Variants in PARD3B observed in about 807,000 individuals in gnomAD.
The protein encoded by PARD3B is partitioning defective 3 homolog B.
In PARD3B, 103 loss-of-function variants were observed where a neutral mutation model predicts 130.2. That is an observed-to-expected ratio of 0.79 (90% CI 0.67 to 0.93). The LOEUF (loss-of-function observed/expected upper bound fraction) is 0.93, where lower values mean the gene tolerates loss of function less well. PARD3B is among the 40% of genes least tolerant of loss of function. PARD3B has a pLI of 0.00. For synonymous variants in PARD3B, 583 were observed against 553.2 expected (o/e 1.05, Z -0.76); for missense variants, 1,609 against 1,499.2 (o/e 1.07, Z -1.21).
chr2:204,825,262 T>G (rs1225116104), intron 2 of PARD3B, among the ~76,000 whole-genome samples: 2 of 152,160 alleles, frequency 1.3e-5, no homozygotes, highest in African/African-American at 2.4e-5. Context: ...GGCCATTGAA[T>G]AGCACACTAA....
Position 205,142,655 on chromosome 2 carries a change from G to A in PARD3B, c.1435-16067G>A, listed in dbSNP as rs1032631121. 3.3e-5 allele frequency among the ~76,000 whole-genome samples: 5 copies of A among 152,032 alleles called. No individual in the cohort carries two copies. Among genetic ancestry groups the A allele is most frequent in the African/African-American group, 7.2e-5 (3 of 41,380 alleles). On this transcript the variant is annotated intron_variant, in intron 10 of 22. Transcript: ENST00000406610. The surrounding 1 kb of genome is among the most constrained non-coding windows in gnomAD (Gnocchi z 4.3). ...AACACTTTGGGAGGCCGAGGTGGGC[G>A]GATCAAGAGGTCAGGAGTTTGAGAC...
chr2:204,867,089 A>C (rs2045454832), intron 2 of PARD3B, among the ~76,000 whole-genome samples: 1 of 152,156 alleles, frequency 6.6e-6, no homozygotes, highest in African/African-American at 2.4e-5. Flanking sequence ...ATAAATAAAT[A>C]AAATAAAATA....
In PARD3B at chr2:205,253,302, T is replaced by C; in HGVS notation, c.2185+7480T>C. 1 of 503,998 alleles carries C rather than the reference T, an allele frequency of 2.0e-6. No homozygotes were observed. Among genetic ancestry groups the C allele is most frequent in the Non-Finnish European group, 4.0e-6 (1 of 248,282 alleles). 31.2% of individuals were successfully genotyped at this position (503,998 alleles called of 1,614,324 possible). On this transcript the variant is annotated intron_variant, in intron 16 of 22. Coordinates refer to ENST00000406610, the MANE Select transcript of PARD3B (RefSeq NM_001302769.2). This position sits in a 1 kb window ranked among gnomAD's most constrained non-coding sequence, Gnocchi z 4.4. ...GAGTAAAATGTATTAACACAAAGGCTCTGGCCGCCCCCCTACAAAGGAGGC... is the reference window on the plus strand; with the variant it reads ...GAGTAAAATGTATTAACACAAAGGCCCTGGCCGCCCCCCTACAAAGGAGGC...
chr2:205,217,529 C>G (rs761755696), intron 15 of PARD3B, among the ~76,000 whole-genome samples: 10 of 151,612 alleles, frequency 6.6e-5, no homozygotes, highest in Admixed American at 1.3e-4. Context: ...AACAGAGAAG[C>G]TAGTGAAGGA....
At chr2:204,880,325 A>G (rs1456730414) in intron 2 of PARD3B, among the ~76,000 whole-genome samples, 1 of 152,184 alleles carries the variant, frequency 6.6e-6, no homozygotes, top group African/African-American at 2.4e-5. Context: ...TATATCATAC[A>G]TATATAGAGA....
intron 18 of PARD3B, among the ~76,000 whole-genome samples, chr2:205,335,835 AGCACAGGTAAGACCC>A (rs1250110535): frequency 6.6e-6 from 1 of 152,188 alleles, no homozygotes; most frequent in South Asian, 2.1e-4. Flanking sequence ...TCATGAGAAC[AGCACAGGTAAGACCC>A]GCACAGGTAA....
chr2:204,795,703 C>G (rs958111793), intron 2 of PARD3B, among the ~76,000 whole-genome samples: 1 of 152,168 alleles, frequency 6.6e-6, no homozygotes, highest in Non-Finnish European at 1.5e-5. Context: ...TTTCTGAACT[C>G]CATTTTAATA....
At chr2:205,100,659 AC>A (rs1310387326) in intron 4 of PARD3B, among the ~76,000 whole-genome samples, 1 of 152,168 alleles carries the variant, frequency 6.6e-6, no homozygotes. Context: ...TGAATAAAAT[AC>A]AATTGAGGAT....
chr2:205,390,487 T>C (rs2045819456), intron 18 of PARD3B, among the ~76,000 whole-genome samples: 1 of 152,212 alleles, frequency 6.6e-6, no homozygotes, highest in South Asian at 2.1e-4. Context: ...AACTAATTAA[T>C]TCGGTATGCT....
chr2:204,875,164 T>C (rs901463188), intron 2 of PARD3B, among the ~76,000 whole-genome samples: 1 of 152,210 alleles, frequency 6.6e-6, no homozygotes, highest in Non-Finnish European at 1.5e-5. Context: ...GTTTCTGGTA[T>C]ATTTACAGAG....
At chr2:205,277,417 A>G (rs1388693285) in intron 16 of PARD3B, among the ~76,000 whole-genome samples, 13 of 152,232 alleles carry the variant, frequency 8.5e-5, no homozygotes, top group Admixed American at 8.5e-4. Flanking sequence ...TGTACAGTAT[A>G]GCACTTAGAA....
At chr2:205,330,910 T>C (rs1314998125) in intron 18 of PARD3B, among the ~76,000 whole-genome samples, 3 of 152,200 alleles carry the variant, frequency 2.0e-5, no homozygotes, top group Admixed American at 6.5e-5. Flanking sequence ...CATAGTTTTA[T>C]TGAGGGCCAT....
intron 20 of PARD3B, among the ~76,000 whole-genome samples, chr2:205,441,351 C>T (rs2047709110): frequency 6.6e-6 from 1 of 152,196 alleles, no homozygotes; most frequent in Non-Finnish European, 1.5e-5. Context: ...ATGATTCCAA[C>T]CCCACCTCCT....
intron 22 of PARD3B, among the ~76,000 whole-genome samples, chr2:205,565,711 A>T (rs765489937): frequency 3.3e-5 from 5 of 152,190 alleles, no homozygotes; most frequent in Non-Finnish European, 5.9e-5. Context: ...TGAGCTAGGA[A>T]AGTCATCTAC....
intron 20 of PARD3B, among the ~76,000 whole-genome samples, chr2:205,498,791 G>T (rs533580586): frequency 1.3e-5 from 2 of 152,258 alleles, no homozygotes; most frequent in East Asian, 3.9e-4. Flanking sequence ...CAGCTGAAGT[G>T]TCACCTCCTC....
chr2:205,014,120 T>G (rs1290328534), intron 3 of PARD3B, among the ~76,000 whole-genome samples: 1 of 152,260 alleles, frequency 6.6e-6, no homozygotes, highest in African/African-American at 2.4e-5. Context: ...ATGCTGGTAC[T>G]TAAATTCAAT....
intron 4 of PARD3B, chr2:205,048,098 C>G (rs944769584): frequency 1.3e-5 from 2 of 159,290 alleles, no homozygotes; most frequent in African/African-American, 4.8e-5. Flanking sequence ...TTGCTTCTGG[C>G]CAGTACACTA....
intron 2 of PARD3B, among the ~76,000 whole-genome samples, chr2:204,687,234 G>T (rs972839485): frequency 6.6e-6 from 1 of 152,088 alleles, no homozygotes; most frequent in African/African-American, 2.4e-5. Context: ...TCTTCAGACT[G>T]TTCAAACTTA....
At chr2:204,697,588 G>C (rs2037675690) in intron 2 of PARD3B, among the ~76,000 whole-genome samples, 1 of 152,102 alleles carries the variant, frequency 6.6e-6, no homozygotes, top group African/African-American at 2.4e-5. Context: ...TTTGCAGTTT[G>C]ATTAGAGACT....
Sources: allele counts gnomAD v4.1 joint callset (sites outside exome capture counted in the v4.1 genomes callset), GRCh38; gene constraint gnomAD v4.1.1; non-coding constraint Gnocchi (gnomAD v3.1); transcripts MANE v1.5; gene names NCBI Gene and HGNC (gene_info 2026-07-23, HGNC 2026-07-21).